Variants in PTPRD observed in about 807,000 individuals in gnomAD.
The protein encoded by PTPRD is receptor-type tyrosine-protein phosphatase delta.
A neutral mutation model predicts 214.5 loss-of-function variants in PTPRD; 34 were observed. The ratio of observed to expected loss-of-function variants is 0.16; its 90% confidence interval spans 0.12 to 0.21. The LOEUF is 0.21. PTPRD is among the 10% of genes least tolerant of loss of function. The probability of loss-of-function intolerance (pLI) is 1.00; values close to 1 mark genes in which losing one functional copy is unlikely to be tolerated. For missense variants in PTPRD, 2,545 were observed against 2,398.7 expected (o/e 1.06, Z -1.27); for synonymous variants, 1,128 against 845.7 (o/e 1.33, Z -5.79).
At chr9:9,304,874 A>G (rs1190832727) in intron 9 of PTPRD, among the ~76,000 whole-genome samples, 1 of 150,082 alleles carries the variant, frequency 6.7e-6, no homozygotes. Flanking sequence ...GCCCTTCTCA[A>G]TAATCTCTCC....
At chr9:8,335,537 T>C (rs1283637510) in intron 43 of PTPRD, among the ~76,000 whole-genome samples, 1 of 152,148 alleles carries the variant, frequency 6.6e-6, no homozygotes, top group African/African-American at 2.4e-5. Context: ...GCCACTGTCA[T>C]AACGAATGGG....
chr9:9,644,064 GT>G (rs551380390), intron 7 of PTPRD, among the ~76,000 whole-genome samples: 2 of 151,888 alleles, frequency 1.3e-5, no homozygotes, highest in Non-Finnish European at 2.9e-5. Context: ...GTCCCTCAAA[GT>G]TTTTTTTCTG....
At chr9:9,628,297 G>A (rs1218540675) in intron 7 of PTPRD, among the ~76,000 whole-genome samples, 3 of 152,104 alleles carry the variant, frequency 2.0e-5, no homozygotes. Flanking sequence ...CTCTAGTTTT[G>A]CTCTTACAGG....
At chr9:9,150,653 A>T (rs1467566400) in intron 10 of PTPRD, among the ~76,000 whole-genome samples, 2 of 151,416 alleles carry the variant, frequency 1.3e-5, no homozygotes, top group African/African-American at 2.4e-5. Flanking sequence ...TAATTTTTGT[A>T]TTTTCAGTAC....
chr9:9,347,882 C>G (rs963033551), intron 9 of PTPRD, among the ~76,000 whole-genome samples: 1 of 152,248 alleles, frequency 6.6e-6, no homozygotes, highest in South Asian at 2.1e-4. Context: ...CAGCTCATTA[C>G]CACTGCCATT....
At chr9:9,202,150 C>T (rs1310403588) in intron 9 of PTPRD, among the ~76,000 whole-genome samples, 1 of 152,058 alleles carries the variant, frequency 6.6e-6, no homozygotes, top group Non-Finnish European at 1.5e-5. Context: ...GAGTCGAGTC[C>T]AGTGTTTGGA....
chr9:8,916,438 G>C (rs1279001838), intron 11 of PTPRD, among the ~76,000 whole-genome samples: 1 of 152,120 alleles, frequency 6.6e-6, no homozygotes, highest in Non-Finnish European at 1.5e-5. Flanking sequence ...CCTAAGGAGA[G>C]GATGGGGTAA....
intron 12 of PTPRD, among the ~76,000 whole-genome samples, chr9:8,692,007 G>A (rs902168710): frequency 1.3e-5 from 2 of 151,962 alleles, no homozygotes; most frequent in Non-Finnish European, 1.5e-5. Flanking sequence ...CTACTTCCTG[G>A]ATTTTTACTA....
chr9:8,376,087 C>T lies in PTPRD; in HGVS notation c.4510G>A (p.Gly1504Ser), dbSNP rs1214730491. Residue 1504 changes from glycine (G) to serine (S), a missense_variant, in exon 39 of 46, where the codon GGT (glycine) becomes AGT (serine). Coordinates refer to ENST00000381196, the MANE Select transcript of PTPRD (RefSeq NM_002839.4). ...CTCACTTCTCTCTTCTCACTTGAAC[C>T]ATTCTGTGAAATAGGAATATCAGCT... ...CVRTFALYKN[G>S]SSEKREVRQF... 4 of 1,611,870 alleles carry T rather than the reference C, an allele frequency of 2.5e-6. No homozygotes were observed. The highest frequency in any genetic ancestry group is 2.5e-6 in the Non-Finnish European group (3 of 1,178,862).
rs536703389 is a variant in PTPRD, at chr9:10,166,517, A to G, written c.-544-132727T>C. Among the ~76,000 whole-genome samples the G allele has an allele frequency of 3.3e-5, 5 of 152,036 alleles. No individual in the cohort carries two copies. The South Asian group carries it at 1.0e-3, about 32-fold the overall frequency. ...TCAACCGCACAACCCTTTGTGTTCT[A>G]TTTTTGCTAAATGCTTCTTCTCTGG... is the stretch of plus-strand genomic sequence containing the variant. On this transcript the variant is annotated intron_variant, in intron 3 of 45. Transcript: ENST00000381196.
intron 11 of PTPRD, among the ~76,000 whole-genome samples, chr9:8,839,314 T>TTATG (rs1330604220): frequency 9.9e-5 from 15 of 151,448 alleles, no homozygotes; most frequent in Non-Finnish European, 1.8e-4. Flanking sequence ...ATTTATTTAT[T>TTATG]TATTTATTTA....
intron 3 of PTPRD, among the ~76,000 whole-genome samples, chr9:10,146,770 G>C (rs534761332): frequency 6.6e-6 from 1 of 151,180 alleles, no homozygotes; most frequent in Non-Finnish European, 1.5e-5. Flanking sequence ...GGTGGAATGG[G>C]AGAAGAAAAA....
chr9:9,533,360 G>A (rs148952547), intron 8 of PTPRD, among the ~76,000 whole-genome samples: 78 of 152,104 alleles, frequency 5.1e-4, no homozygotes, highest in African/African-American at 1.9e-3. Context: ...CGGCCAAAAT[G>A]CATTCATTAC....
At chr9:10,612,177 A>C (rs2081179815) in intron 2 of PTPRD, among the ~76,000 whole-genome samples, 1 of 145,940 alleles carries the variant, frequency 6.9e-6, no homozygotes, top group Non-Finnish European at 1.5e-5. Context: ...GCCCATACTG[A>C]TCCCATATCG....
At chr9:8,409,302 G>A (rs145418110) in intron 35 of PTPRD, among the ~76,000 whole-genome samples, 7 of 152,252 alleles carry the variant, frequency 4.6e-5, no homozygotes, top group African/African-American at 1.2e-4. Flanking sequence ...GAGAGGCCAG[G>A]CTGGGGGTCC....
Position 8,909,752 on chromosome 9 carries a change from G to A in PTPRD, c.-104+108945C>T, listed in dbSNP as rs1348891845. ...AACATCAAATAAGGTGGAAGACATA[G>A]AGATAGAGATAGAGACAGAGATAGA... On this transcript the variant is annotated intron_variant, in intron 11 of 45. Coordinates refer to ENST00000381196, the MANE Select transcript of PTPRD (RefSeq NM_002839.4). Among the ~76,000 whole-genome samples the A allele has an allele frequency of 2.6e-5, 4 of 151,052 alleles. No individual in the cohort carries two copies. The Admixed American group carries it at 2.7e-4, about 10-fold the overall frequency.
At chr9:8,913,141 T>C (rs1360769871) in intron 11 of PTPRD, among the ~76,000 whole-genome samples, 1 of 151,958 alleles carries the variant, frequency 6.6e-6, no homozygotes, top group African/African-American at 2.4e-5. Flanking sequence ...AAAAAAAAAC[T>C]TTATGAACAT....
At chr9:10,322,095 A>T (rs1478584264) in intron 3 of PTPRD, among the ~76,000 whole-genome samples, 1 of 152,040 alleles carries the variant, frequency 6.6e-6, no homozygotes, top group East Asian at 1.9e-4. Flanking sequence ...CATGAGGGTT[A>T]TTACATTAGT....
intron 10 of PTPRD, among the ~76,000 whole-genome samples, chr9:9,082,507 T>A (rs893049956): frequency 6.6e-6 from 1 of 151,792 alleles, no homozygotes; most frequent in Non-Finnish European, 1.5e-5. Context: ...AAGGGTGCCC[T>A]CTCTCACCAC....
Sources: gnomAD v4.1 joint callset for allele counts (sites outside exome capture counted in the v4.1 genomes callset) on GRCh38, gnomAD v4.1.1 for gene constraint, MANE v1.5 for transcripts, NCBI Gene and HGNC (gene_info 2026-07-23, HGNC 2026-07-21) for gene names.